VWDE: variants seen among roughly 807,000 people sequenced by gnomAD.
VWDE encodes the protein von Willebrand factor D and EGF domains.
A neutral mutation model predicts 178.4 loss-of-function variants in VWDE; 207 were observed. That is an observed-to-expected ratio of 1.16 (90% CI 1.04 to 1.30). The LOEUF (loss-of-function observed/expected upper bound fraction) is 1.30, where lower values mean the gene tolerates loss of function less well. Among genes scored for constraint, VWDE ranks in the 50% most tolerant of loss-of-function variants. VWDE has a pLI of 0.00. For missense variants in VWDE, 2,287 were observed against 1,901.3 expected (o/e 1.20, Z -3.77); for synonymous variants, 738 against 651.4 (o/e 1.13, Z -2.02).
Position 12,376,253 on chromosome 7 carries a change from T to C in VWDE, c.1025-1026A>G, listed in dbSNP as rs563354495. Among the ~76,000 whole-genome samples the C allele has an allele frequency of 2.3e-4, 35 of 152,166 alleles. No homozygotes were observed. The South Asian group carries it at 6.2e-3, about 27-fold the overall frequency. ...AGCCAATACATGAGGGGTTGTTCTC[T>C]TTAAGCCTGTGAATAGCAGCATAGT... On this transcript the variant is annotated intron_variant, in intron 7 of 28. Coordinates refer to ENST00000275358, the MANE Select transcript of VWDE (RefSeq NM_001135924.3).
chr7:12,382,167 C>T (rs569657560), intron 4 of VWDE, among the ~76,000 whole-genome samples: 4 of 151,688 alleles, frequency 2.6e-5, no homozygotes, highest in African/African-American at 9.7e-5. Flanking sequence ...AAATTGTGTG[C>T]AATTTGCATA....
chr7:12,393,863 C>CA, intron 1 of VWDE, 85 bp from the exon 2 acceptor site: 1 of 1,220,482 alleles, frequency 8.2e-7, no homozygotes. Context: ...ATTCCCAAAA[C>CA]AAAAAATAAA....
intron 10 of VWDE, among the ~76,000 whole-genome samples, chr7:12,372,425 G>A (rs1439228443): frequency 1.3e-5 from 2 of 151,758 alleles, no homozygotes; most frequent in Non-Finnish European, 2.9e-5. Context: ...GATTTACTTG[G>A]AATTACTTGT....
At chr7:12,351,946 G>T (rs1343604172) in intron 18 of VWDE, among the ~76,000 whole-genome samples, 1 of 152,016 alleles carries the variant, frequency 6.6e-6, no homozygotes, top group East Asian at 1.9e-4. Flanking sequence ...TTGGAGACAG[G>T]GTCTTTAAGG....
intron 13 of VWDE, among the ~76,000 whole-genome samples, chr7:12,365,939 G>A (rs769996040): frequency 6.6e-6 from 1 of 152,030 alleles, no homozygotes; most frequent in African/African-American, 2.4e-5. Flanking sequence ...CCCAGGGATC[G>A]AGGGAGGGAC....
intron 3 of VWDE, among the ~76,000 whole-genome samples, chr7:12,385,396 T>C (rs936531209): frequency 3.3e-5 from 5 of 152,158 alleles, no homozygotes; most frequent in African/African-American, 1.2e-4. Flanking sequence ...TCTTCTAAAG[T>C]AGTTATGATA....
chr7:12,392,686 G>C (rs1340891070), intron 2 of VWDE, among the ~76,000 whole-genome samples: 2 of 151,642 alleles, frequency 1.3e-5, no homozygotes, highest in East Asian at 3.9e-4. Flanking sequence ...GGAAGAAAAT[G>C]TATTTGTCAA....
chr7:12,338,904 A>G (rs1254714241), intron 24 of VWDE, among the ~76,000 whole-genome samples: 2 of 152,180 alleles, frequency 1.3e-5, no homozygotes, highest in Non-Finnish European at 2.9e-5. Flanking sequence ...TATAGTGCAC[A>G]TAGTATATGT....
chr7:12,358,461 T>G (rs2128552537), intron 16 of VWDE, among the ~76,000 whole-genome samples: 1 of 152,208 alleles, frequency 6.6e-6, no homozygotes, highest in Non-Finnish European at 1.5e-5. Context: ...CTTTTTATAT[T>G]GTCTTATATT....
At chr7:12,334,493 G>T (rs1343248918) in intron 27 of VWDE, among the ~76,000 whole-genome samples, 1 of 152,098 alleles carries the variant, frequency 6.6e-6, no homozygotes, top group Non-Finnish European at 1.5e-5. Context: ...TGGGCAGGTT[G>T]TGAAATCCAC....
At chr7:12,349,995 AC>A (rs1204507463) in intron 19 of VWDE, among the ~76,000 whole-genome samples, 2 of 152,084 alleles carry the variant, frequency 1.3e-5, no homozygotes, top group African/African-American at 2.4e-5. Context: ...AAATAGAAAA[AC>A]AATCTAAAAT....
intron 2 of VWDE, among the ~76,000 whole-genome samples, chr7:12,390,762 G>A (rs907463707): frequency 1.3e-5 from 2 of 151,852 alleles, no homozygotes; most frequent in Non-Finnish European, 1.5e-5. Context: ...AGAATATTCA[G>A]TATTGCAAAA....
chr7:12,383,827 A>G (rs1473423879), intron 3 of VWDE, among the ~76,000 whole-genome samples: 1 of 152,180 alleles, frequency 6.6e-6, no homozygotes, highest in Non-Finnish European at 1.5e-5. Context: ...TTTTCTAAGT[A>G]CAAATCTGCA....
At chr7:12,391,525 G>C (rs535969695) in intron 2 of VWDE, among the ~76,000 whole-genome samples, 14 of 152,166 alleles carry the variant, frequency 9.2e-5, no homozygotes, top group Non-Finnish European at 1.5e-4. Flanking sequence ...AGCTAAATCA[G>C]CCTTAAGAGA....
At position 12,402,758 on chromosome 7, in the gene VWDE, A is replaced by G. The variant is rs560988445; in HGVS notation, c.58+901T>C. On this transcript the variant is annotated intron_variant, in intron 1 of 28. Transcript: ENST00000275358. ...TTAGTATTTTATTTTTAAGTTTTGT[A>G]TAGGATAGTGTTTGTATTCCCCTTA... 3.7e-4 allele frequency among the ~76,000 whole-genome samples: 56 copies of G among 152,310 alleles called. No individual in the cohort carries two copies. In the South Asian group the frequency reaches 0.01, roughly 28 times the overall value.
chr7:12,344,124 G>T, intron 21 of VWDE, 71 bp downstream of exon 21: 1 of 1,310,564 alleles, frequency 7.6e-7, no homozygotes, highest in Non-Finnish European at 1.1e-6. Context: ...GAATTGTCTT[G>T]TAAAATGGTT....
chr7:12,374,830 T>C (rs1783423794), intron 8 of VWDE, 68 bp from the exon 9 acceptor site: 2 of 1,174,872 alleles, frequency 1.7e-6, no homozygotes, highest in East Asian at 5.2e-5. Flanking sequence ...AAAAAATTGC[T>C]TAGCAATCTC....
intron 1 of VWDE, among the ~76,000 whole-genome samples, chr7:12,394,259 A>C (rs1046434570): frequency 1.3e-5 from 2 of 152,188 alleles, no homozygotes; most frequent in African/African-American, 2.4e-5. Context: ...TGCTAACTCA[A>C]CAGGTGTAAA....
At chr7:12,368,409 G>C (rs554270790) in intron 12 of VWDE, among the ~76,000 whole-genome samples, 10 of 152,122 alleles carry the variant, frequency 6.6e-5, no homozygotes, top group African/African-American at 2.2e-4. Context: ...CATTTGAACA[G>C]AGAAGTAAAG....
Sources: gnomAD v4.1 joint callset for allele counts (sites outside exome capture counted in the v4.1 genomes callset) on GRCh38, gnomAD v4.1.1 for gene constraint, MANE v1.5 for transcripts, NCBI Gene and HGNC (gene_info 2026-07-23, HGNC 2026-07-21) for gene names.